SLC35F4: variants seen among roughly 807,000 people sequenced by gnomAD.
SLC35F4 encodes solute carrier family 35 member F4, also known as chromosome 14 open reading frame 36.
SLC35F4 carries 24 observed loss-of-function variants against 44.2 expected under a neutral mutation model. The ratio of observed to expected loss-of-function variants is 0.54; its 90% confidence interval spans 0.39 to 0.76. The LOEUF is 0.76. SLC35F4 is among the 30% of genes least tolerant of loss of function. The pLI is 0.00. For missense variants in SLC35F4, 562 were observed against 586.1 expected, an observed-to-expected ratio of 0.96 and a Z score of 0.42; for synonymous variants, 238 against 223.6, an observed-to-expected ratio of 1.06 and a Z score of -0.57.
intron 1 of SLC35F4, among the ~76,000 whole-genome samples, chr14:57,934,646 C>A (rs180843410): frequency 3.4e-4 from 52 of 152,012 alleles, no homozygotes; most frequent in African/African-American, 1.1e-3. Flanking sequence ...ATGCACTTGC[C>A]TCCTGCTTGT....
chr14:57,789,586 A>T (rs932810247), intron 1 of SLC35F4, among the ~76,000 whole-genome samples: 1 of 152,228 alleles, frequency 6.6e-6, no homozygotes, highest in African/African-American at 2.4e-5. Context: ...AGCTGGTACC[A>T]TTCCTTTTGA....
chr14:57,909,238 C>G (rs1299730555), intron 1 of SLC35F4, among the ~76,000 whole-genome samples: 1 of 152,104 alleles, frequency 6.6e-6, no homozygotes, highest in African/African-American at 2.4e-5. Flanking sequence ...GCACCCCACC[C>G]CATAGTGGTA....
chr14:57,947,124 T>C (rs892630402), intron 1 of SLC35F4, among the ~76,000 whole-genome samples: 2 of 152,170 alleles, frequency 1.3e-5, no homozygotes, highest in Admixed American at 6.5e-5. Flanking sequence ...ATGGGATATG[T>C]TTCCATTTGT....
At chr14:57,665,479 TA>T in intron 1 of SLC35F4, among the ~76,000 whole-genome samples, 1 of 152,286 alleles carries the variant, frequency 6.6e-6, no homozygotes, top group Admixed American at 6.5e-5. Flanking sequence ...TCAGGGATGA[TA>T]AATAACTTGT....
intron 1 of SLC35F4, among the ~76,000 whole-genome samples, chr14:57,925,404 CAT>C (rs1255209798): frequency 6.6e-6 from 1 of 151,264 alleles, no homozygotes. Flanking sequence ...ATATTTTCTA[CAT>C]TTTGGGAGAC....
At chr14:57,714,927 G>T (rs1024755987) in intron 1 of SLC35F4, among the ~76,000 whole-genome samples, 8 of 152,216 alleles carry the variant, frequency 5.3e-5, no homozygotes, top group Non-Finnish European at 1.2e-4. Flanking sequence ...GTGGGAAGAT[G>T]AGGGAGTTTG....
chr14:57,865,700 A>G (rs1177322609), intron 1 of SLC35F4, 23 bp downstream of exon 1: 2 of 1,503,870 alleles, frequency 1.3e-6, no homozygotes, highest in Admixed American at 4.2e-5. Flanking sequence ...CGCCTCGCGC[A>G]GGGCAGCCGC....
At chr14:57,926,502 C>T (rs922723850) in intron 1 of SLC35F4, among the ~76,000 whole-genome samples, 2 of 152,020 alleles carry the variant, frequency 1.3e-5, no homozygotes, top group Admixed American at 1.3e-4. Flanking sequence ...GGGGAAACAA[C>T]CTTCTGAGGA....
intron 3 of SLC35F4, among the ~76,000 whole-genome samples, chr14:57,586,667 G>A (rs1419388321): frequency 2.4e-5 from 3 of 123,430 alleles, no homozygotes; most frequent in African/African-American, 9.3e-5. Context: ...GCAGTCAGCC[G>A]AGATCACACC....
chr14:57,595,176 T>C (rs1042688914), intron 1 of SLC35F4, among the ~76,000 whole-genome samples: 1 of 152,210 alleles, frequency 6.6e-6, no homozygotes, highest in African/African-American at 2.4e-5. Flanking sequence ...TTCAGTCTTG[T>C]TTATCATAAC....
At chr14:57,918,809 C>T (rs993928800) in intron 1 of SLC35F4, among the ~76,000 whole-genome samples, 84 of 152,092 alleles carry the variant, frequency 5.5e-4, no homozygotes, top group African/African-American at 1.7e-3. Flanking sequence ...ATCCCAAGGA[C>T]GGCTTTGGAA....
intron 1 of SLC35F4, among the ~76,000 whole-genome samples, chr14:57,734,299 G>C (rs1013269053): frequency 6.6e-6 from 1 of 152,026 alleles, no homozygotes; most frequent in African/African-American, 2.4e-5. Flanking sequence ...GTTACTATTA[G>C]GATCCAATTA....
chr14:57,852,213 C>G (rs573193653), intron 1 of SLC35F4, among the ~76,000 whole-genome samples: 1 of 152,228 alleles, frequency 6.6e-6, no homozygotes, highest in Admixed American at 6.5e-5. Flanking sequence ...CTGGAAAGGG[C>G]TCTCAGAGGT....
In SLC35F4 at chr14:57,575,593, A is replaced by G. The variant is rs2068742065; in HGVS notation, c.808-3574T>C. On this transcript the variant is annotated intron_variant, in intron 4 of 7. Coordinates refer to ENST00000556826, the MANE Select transcript of SLC35F4 (RefSeq NM_001306087.2). ...TGACCATAAAACTGCCAATGCCTCC[A>G]TTTAAAATGTTTAAACCTCTCTGCC... Among the ~76,000 whole-genome samples the G allele has an allele frequency of 4.6e-5, 7 of 152,246 alleles. No individual in the cohort carries two copies. The South Asian group carries it at 1.4e-3, about 31-fold the overall frequency.
chr14:57,764,128 C>A (rs2077184215), intron 1 of SLC35F4, among the ~76,000 whole-genome samples: 1 of 152,160 alleles, frequency 6.6e-6, no homozygotes, highest in Non-Finnish European at 1.5e-5. Flanking sequence ...ATGTCCACCC[C>A]ATCTGAGCCT....
At chr14:57,650,388 T>G (rs992404277) in intron 1 of SLC35F4, among the ~76,000 whole-genome samples, 4 of 152,148 alleles carry the variant, frequency 2.6e-5, no homozygotes, top group Non-Finnish European at 5.9e-5. Flanking sequence ...CTCAGACATT[T>G]ACATCTCAAC....
intron 1 of SLC35F4, among the ~76,000 whole-genome samples, chr14:57,768,282 A>G (rs1425104661): frequency 6.6e-6 from 1 of 152,224 alleles, no homozygotes; most frequent in Non-Finnish European, 1.5e-5. Context: ...ATGTATTTTT[A>G]AAAACGTATT....
intron 1 of SLC35F4, among the ~76,000 whole-genome samples, chr14:57,811,366 G>T (rs1252745675): frequency 6.6e-6 from 1 of 152,142 alleles, no homozygotes; most frequent in East Asian, 1.9e-4. Context: ...AGCCAAGTAG[G>T]TATGGCAGAG....
chr14:57,864,285 G>T (rs1460905693), intron 1 of SLC35F4, among the ~76,000 whole-genome samples: 2 of 152,152 alleles, frequency 1.3e-5, no homozygotes, highest in Non-Finnish European at 2.9e-5. Context: ...AATAAAAAAG[G>T]AGAAGTTTTT....
Sources: gnomAD v4.1 joint callset for allele counts (sites outside exome capture counted in the v4.1 genomes callset) on GRCh38, gnomAD v4.1.1 for gene constraint, MANE v1.5 for transcripts, NCBI Gene and HGNC (gene_info 2026-07-23, HGNC 2026-07-21) for gene names.